Variants in CARS1 observed in about 807,000 individuals in gnomAD.
The protein encoded by CARS1 is cysteine--tRNA ligase, cytoplasmic.
A neutral mutation model predicts 106.2 loss-of-function variants in CARS1; 48 were observed. That is an observed-to-expected ratio of 0.45 (90% CI 0.36 to 0.57). CARS1 has a LOEUF of 0.57. CARS1 is among the 20% of genes least tolerant of loss of function. The pLI, the probability that CARS1 is intolerant of heterozygous loss-of-function variation, is 0.00. For missense variants in CARS1, 968 were observed against 1,057.2 expected, an observed-to-expected ratio of 0.92 and a Z score of 1.17; for synonymous variants, 409 against 403.4, an observed-to-expected ratio of 1.01 and a Z score of -0.17.
In CARS1 at chr11:3,015,821, G is replaced by A; in HGVS notation, c.1946C>T (p.Ser649Phe). 6.2e-7 allele frequency: 1 copy of A among 1,614,144 alleles called. No homozygotes were observed. The highest frequency in any genetic ancestry group is 8.5e-7 in the Non-Finnish European group (1 of 1,180,036). The stretch of plus-strand genomic sequence containing the variant: ...AGGCCCTCCGACCGGGAATCCCAGG[G>A]AGCTGTCCTCTTCTACGGCCCCAAA... ...KIFGAVEEDS[S>F]LGFPVGGPGT... Residue 649 changes from serine to phenylalanine, a missense_variant, in exon 17 of 23, where the codon TCC becomes TTC. Transcript: ENST00000380525.
chr11:3,034,064 G>A lies in CARS1; in HGVS notation c.801+3986C>T, dbSNP rs538404903. On this transcript the variant is annotated intron_variant, in intron 7 of 22. Coordinates refer to ENST00000380525, the MANE Select transcript of CARS1 (RefSeq NM_001014437.3). This position sits in a 1 kb window ranked among gnomAD's most constrained non-coding sequence, Gnocchi z 6.3. ...CCCAAGGTGCTATGATTACAGGAAC[G>A]AGCCACTGCACCTGGTCTGGGCTGG... Among the ~76,000 whole-genome samples, 207 of 152,250 alleles carry A rather than the reference G, an allele frequency of 1.4e-3. No homozygotes were observed. Among genetic ancestry groups the A allele is most frequent in the African/African-American group, 4.7e-3 (194 of 41,544 alleles).
chr11:3,019,870 A>T lies in CARS1; in HGVS notation c.1266+350T>A, dbSNP rs1851409944. Among the ~76,000 whole-genome samples the T allele has an allele frequency of 6.6e-6, 1 of 151,896 alleles. No individual in the cohort carries two copies. The highest frequency in any genetic ancestry group is 1.5e-5 in the Non-Finnish European group (1 of 67,964). On this transcript the variant is annotated intron_variant, in intron 11 of 22. Transcript: ENST00000380525. The surrounding 1 kb of genome is among the most constrained non-coding windows in gnomAD (Gnocchi z 6.2). ...TTCCTAGGGTACCCTGCAGTCAACA[A>T]CTCCTGTCACCGGGAAGATCAGAAC...
intron 7 of CARS1, among the ~76,000 whole-genome samples, chr11:3,036,157 A>C (rs1345255382): frequency 6.6e-6 from 1 of 152,126 alleles, no homozygotes; most frequent in East Asian, 1.9e-4. Context: ...GGCAGGGAGG[A>C]AGCTTCAGCA....
At position 3,043,539 on chromosome 11, in the gene CARS1, G is replaced by A. The variant is rs183563354; in HGVS notation, c.275-1283C>T. Among the ~76,000 whole-genome samples the A allele has an allele frequency of 4.0e-5, 6 of 151,242 alleles. No individual in the cohort carries two copies. In the East Asian group the frequency reaches 9.7e-4, roughly 25 times the overall value. On this transcript the variant is annotated intron_variant, in intron 2 of 22. Coordinates refer to ENST00000380525, the MANE Select transcript of CARS1 (RefSeq NM_001014437.3). This position sits in a 1 kb window ranked among gnomAD's most constrained non-coding sequence, Gnocchi z 4.0. Reference sequence around the variant, plus strand: ...GCTGAGTGGCACCAGGAAGGCCTACGAGATGGATACTCCTAGCACTGACCT... The same window carrying A: ...GCTGAGTGGCACCAGGAAGGCCTACAAGATGGATACTCCTAGCACTGACCT...
chr11:3,042,087 T>C, intron 3 of CARS1, 78 bp downstream of exon 3: 1 of 1,031,378 alleles, frequency 9.7e-7, no homozygotes, highest in South Asian at 1.4e-5. Context: ...AAGTCTGTTG[T>C]GCGACAAGGC....
At chr11:3,026,978 T>A in intron 9 of CARS1, 181 bp from the exon 10 acceptor site, 1 of 656,748 alleles carries the variant, frequency 1.5e-6, no homozygotes, top group Non-Finnish European at 2.4e-6. Context: ...CCAGGGCCCA[T>A]CCCGCTGCGG....
At chr11:3,001,597 G>A (rs1849406368) in intron 22 of CARS1, among the ~76,000 whole-genome samples, 1 of 152,238 alleles carries the variant, frequency 6.6e-6, no homozygotes, top group Non-Finnish European at 1.5e-5. Flanking sequence ...TAGAGGTTTG[G>A]AGGCAGTGGC....
At chr11:3,012,121 C>A (rs538755429) in intron 18 of CARS1, 74 bp downstream of exon 18, 7 of 1,348,658 alleles carry the variant, frequency 5.2e-6, no homozygotes, top group Non-Finnish European at 7.5e-6. Context: ...CATAGTGCCT[C>A]GGGGGAGACG....
In CARS1 at chr11:3,019,409, G is replaced by A; in HGVS notation, c.1267-142C>T. 2.1e-6 allele frequency: 2 copies of A among 951,014 alleles called. No homozygotes were observed. Among genetic ancestry groups the A allele is most frequent in the Non-Finnish European group, 2.8e-6 (2 of 713,312 alleles). The allele number at this position is 951,014 out of a possible 1,614,324, so 58.9% of individuals were successfully genotyped here. On this transcript the variant is annotated intron_variant, in intron 11 of 22. Transcript: ENST00000380525. This position sits in a 1 kb window ranked among gnomAD's most constrained non-coding sequence, Gnocchi z 6.2. ...TAAATCCCGCACATGAAAAGACTAAGGGAAGGCTGGGCGAGATGGCTCACA... is the reference window on the plus strand; with the variant it reads ...TAAATCCCGCACATGAAAAGACTAAAGGAAGGCTGGGCGAGATGGCTCACA...
chr11:3,004,017 G>T lies in CARS1; in HGVS notation c.2217+1349C>A, dbSNP rs1029673325. Among the ~76,000 whole-genome samples, 1 of 152,204 alleles carries T rather than the reference G, an allele frequency of 6.6e-6. No individual in the cohort carries two copies. Among genetic ancestry groups the T allele is most frequent in the Non-Finnish European group, 1.5e-5 (1 of 68,040 alleles). The stretch of plus-strand genomic sequence containing the variant: ...CTGGCGCTCCTCTTGTCTGTTTCCT[G>T]CTTCTGAGCACTCTGCCAGGGAGTG... On this transcript the variant is annotated intron_variant, in intron 20 of 22. Transcript: ENST00000380525. This position sits in a 1 kb window ranked among gnomAD's most constrained non-coding sequence, Gnocchi z 5.2.
chr11:3,017,627 G>T lies in CARS1; in HGVS notation c.1727+230C>A. 1.8e-6 allele frequency: 1 copy of T among 564,124 alleles called. No individual in the cohort carries two copies. The highest frequency in any genetic ancestry group is 3.1e-6 in the Non-Finnish European group (1 of 320,514). The allele number at this position is 564,124 out of a possible 1,614,324, so 34.9% of individuals were successfully genotyped here. A position where few individuals can be genotyped will look rare whatever the true frequency, so the allele number is the denominator to read the frequency against. ...CACTGCACTCCAGCCTGGGCAACAA[G>T]GGCGAAACTCCGTCTCAAAAAGAAA... On this transcript the variant is annotated intron_variant, in intron 15 of 22. Transcript: ENST00000380525. The surrounding 1 kb of genome is among the most constrained non-coding windows in gnomAD (Gnocchi z 4.9).
chr11:3,011,025 A>G (rs1850398916), intron 18 of CARS1, among the ~76,000 whole-genome samples: 1 of 152,228 alleles, frequency 6.6e-6, no homozygotes, highest in Non-Finnish European at 1.5e-5. Context: ...ACTCGAGGTC[A>G]GTGTGACCCG....
rs1339985047 is a variant in CARS1 at position 3,003,905 on chromosome 11, A to G, written c.2218-1305T>C. On this transcript the variant is annotated intron_variant, in intron 20 of 22. Coordinates refer to ENST00000380525, the MANE Select transcript of CARS1 (RefSeq NM_001014437.3). This position sits in a 1 kb window ranked among gnomAD's most constrained non-coding sequence, Gnocchi z 4.8. ...GTCCCTTGGTTGGGAAACAGGAGCT[A>G]CTAGAAGTCACAGGCCACAGCCAAG... Among the ~76,000 whole-genome samples, 3 of 152,180 alleles carry G rather than the reference A, an allele frequency of 2.0e-5. No individual in the cohort carries two copies. Among genetic ancestry groups the G allele is most frequent in the African/African-American group, 7.2e-5 (3 of 41,436 alleles).
At position 3,017,801 on chromosome 11, in the gene CARS1, G is replaced by A. The variant is rs566805004; in HGVS notation, c.1727+56C>T. 1 of 1,171,300 alleles carries A rather than the reference G, an allele frequency of 8.5e-7. No homozygotes were observed. The highest frequency in any genetic ancestry group is 1.3e-6 in the Non-Finnish European group (1 of 779,224). The allele number at this position is 1,171,300 out of a possible 1,614,324, so 72.6% of individuals were successfully genotyped here. A position where few individuals can be genotyped will look rare whatever the true frequency, so the allele number is the denominator to read the frequency against. ...GGACACATGGTGGCCAAGATGCGAG[G>A]CTAGGCATAGAACATGGGCATGCTC... On this transcript the variant is annotated intron_variant, in intron 15 of 22. Transcript: ENST00000380525. This position sits in a 1 kb window ranked among gnomAD's most constrained non-coding sequence, Gnocchi z 4.9.
chr11:3,038,077 C>T lies in CARS1; in HGVS notation c.774G>A (p.Thr258=), dbSNP rs748831315. The T allele has an allele frequency of 1.4e-5, 22 of 1,613,666 alleles. No homozygotes were observed. Among genetic ancestry groups the T allele is most frequent in the East Asian group, 2.2e-5 (1 of 44,888 alleles). Residue 258 remains threonine, a synonymous_variant, in exon 7 of 23, where the codon ACG becomes ACA. Coordinates refer to ENST00000380525, the MANE Select transcript of CARS1 (RefSeq NM_001014437.3). The surrounding 1 kb of genome is among the most constrained non-coding windows in gnomAD (Gnocchi z 4.0). Reference sequence around the variant, plus strand: ...CCACACAGCTGTTGACTTCCTCTCCCGTGAGTCTGGACTGCACAGCTTTCT... The same window carrying T: ...CCACACAGCTGTTGACTTCCTCTCCTGTGAGTCTGGACTGCACAGCTTTCT... ...PLEKAVQSRL[T]GEEVNSCVEV...
intron 1 of CARS1, among the ~76,000 whole-genome samples, chr11:3,055,503 T>C (rs1279457183): frequency 6.6e-6 from 1 of 152,130 alleles, no homozygotes; most frequent in African/African-American, 2.4e-5. Context: ...GAGGAGGCGA[T>C]AGTAAAGGCA....
intron 10 of CARS1, among the ~76,000 whole-genome samples, chr11:3,024,409 G>A (rs543931776): frequency 1.2e-4 from 18 of 151,968 alleles, no homozygotes; most frequent in South Asian, 2.1e-4. Context: ...TTAGACGTCC[G>A]TCCTGTCAGT....
At chr11:3,001,543 A>C (rs943173292) in intron 22 of CARS1, among the ~76,000 whole-genome samples, 1 of 152,212 alleles carries the variant, frequency 6.6e-6, no homozygotes, top group African/African-American at 2.4e-5. Flanking sequence ...CAGCTGGCCC[A>C]AAGGTACATA....
chr11:3,049,896 G>A (rs149040476), intron 1 of CARS1, among the ~76,000 whole-genome samples: 29 of 152,362 alleles, frequency 1.9e-4, no homozygotes, highest in Middle Eastern at 6.8e-3. Context: ...AACTGCACAC[G>A]AATGCCTTTC....
Sources: gnomAD v4.1 joint callset for allele counts (sites outside exome capture counted in the v4.1 genomes callset) on GRCh38, gnomAD v4.1.1 for gene constraint, Gnocchi (gnomAD v3.1) non-coding constraint, MANE v1.5 for transcripts, NCBI Gene and HGNC (gene_info 2026-07-23, HGNC 2026-07-21) for gene names.